Variants in ACTR3B observed in about 807,000 individuals in gnomAD.
ACTR3B encodes the protein actin related protein 3B.
A neutral mutation model predicts 59.0 loss-of-function variants in ACTR3B; 8 were observed. That is an observed-to-expected ratio of 0.14 (90% CI 0.08 to 0.24). The LOEUF is 0.24. Among genes scored for constraint, ACTR3B ranks in the 10% least tolerant of loss-of-function variants. The probability of loss-of-function intolerance (pLI) is 1.00; values close to 1 mark genes in which losing one functional copy is unlikely to be tolerated. For synonymous variants in ACTR3B, 148 were observed against 197.9 expected (o/e 0.75, Z 2.12); for missense variants, 245 against 552.3 (o/e 0.44, Z 5.58).
In ACTR3B at chr7:152,759,795, G is replaced by T. The variant is rs1392301399; in HGVS notation, c.-88G>T. 3.8e-6 allele frequency: 4 copies of T among 1,059,356 alleles called. No homozygotes were observed. The highest frequency in any genetic ancestry group is 3.5e-6 in the Non-Finnish European group (3 of 859,722). The allele number at this position is 1,059,356 out of a possible 1,614,324, so 65.6% of individuals were successfully genotyped here. ...GGCGCTGCGGCGGCTCGCGGGAGAC[G>T]CTGCGCGCGGGGCTAGCGGGCGGCG... On this transcript the variant is annotated 5_prime_UTR_variant, in exon 1 of 12. Coordinates refer to ENST00000256001, the MANE Select transcript of ACTR3B (RefSeq NM_020445.6).
chr7:152,834,968 G>A (rs189897576), intron 9 of ACTR3B, among the ~76,000 whole-genome samples: 13 of 152,274 alleles, frequency 8.5e-5, no homozygotes, highest in African/African-American at 3.1e-4. Context: ...GAAGACTGCT[G>A]ACCGCCAGAA....
chr7:152,836,424 A>G (rs1435524030), intron 9 of ACTR3B, among the ~76,000 whole-genome samples: 3 of 152,086 alleles, frequency 2.0e-5, no homozygotes, highest in Non-Finnish European at 2.9e-5. Context: ...GGGAGACCCC[A>G]TCTATCAAAA....
chr7:152,835,924 C>CTCAGTAAAT lies in ACTR3B; in HGVS notation c.951+10803_951+10811dup, dbSNP rs1428684620. 7.9e-5 allele frequency among the ~76,000 whole-genome samples: 12 copies of CTCAGTAAAT among 151,230 alleles called. No homozygotes were observed. The East Asian group carries it at 2.3e-3, about 30-fold the overall frequency. On this transcript the variant is annotated intron_variant, in intron 9 of 11. Coordinates refer to ENST00000256001, the MANE Select transcript of ACTR3B (RefSeq NM_020445.6). ...GAACACTCCTGGCCCATGCGAGGTGCTCAGTAAATGCTGCTGACCTGGTGA... is the reference window on the plus strand; with the variant it reads ...GAACACTCCTGGCCCATGCGAGGTGCTCAGTAAATTCAGTAAATGCTGCTGACCTGGTGA...
At chr7:152,815,308 A>G (rs1021702677) in intron 5 of ACTR3B, among the ~76,000 whole-genome samples, 4 of 152,250 alleles carry the variant, frequency 2.6e-5, no homozygotes, top group African/African-American at 9.6e-5. Context: ...GCTGATTCAC[A>G]GCGCCTATCA....
At chr7:152,825,880 G>C (rs1301811898) in intron 9 of ACTR3B, among the ~76,000 whole-genome samples, 1 of 151,820 alleles carries the variant, frequency 6.6e-6, no homozygotes, top group Admixed American at 6.6e-5. Flanking sequence ...AAAATTCTTA[G>C]ATTTCAGGGA....
At chr7:152,807,937 G>A (rs2098257583) in intron 4 of ACTR3B, among the ~76,000 whole-genome samples, 1 of 152,076 alleles carries the variant, frequency 6.6e-6, no homozygotes, top group Admixed American at 6.6e-5. Context: ...CAGCTTGGTG[G>A]CATTAGGCAC....
chr7:152,828,289 C>A (rs1297161112), intron 9 of ACTR3B, among the ~76,000 whole-genome samples: 1 of 151,814 alleles, frequency 6.6e-6, no homozygotes, highest in African/African-American at 2.4e-5. Flanking sequence ...TGCTCACAGC[C>A]CAGGGTAGAG....
chr7:152,838,619 C>T (rs1797646466), intron 9 of ACTR3B, among the ~76,000 whole-genome samples: 1 of 152,004 alleles, frequency 6.6e-6, no homozygotes, highest in South Asian at 2.1e-4. Flanking sequence ...CACCGTGGCA[C>T]GTGTATACCT....
At chr7:152,846,289 G>A (rs955342950) in intron 9 of ACTR3B, among the ~76,000 whole-genome samples, 1 of 147,984 alleles carries the variant, frequency 6.8e-6, no homozygotes, top group Admixed American at 6.8e-5. Flanking sequence ...GCAGTCTGTA[G>A]TGAGCTCTAG....
intron 9 of ACTR3B, among the ~76,000 whole-genome samples, chr7:152,851,471 G>A (rs989001128): frequency 6.6e-6 from 1 of 152,196 alleles, no homozygotes; most frequent in African/African-American, 2.4e-5. Context: ...AGGAGCTGAC[G>A]GTATGGATGA....
rs1164677748 is a variant in ACTR3B at position 152,812,019 on chromosome 7, C to CTTTTTTTTTTTTTTTTT, written c.337-2518_337-2502dup. Reference sequence around the variant, plus strand: ...TTCTTAATTCCCAGAAAATAAAAGTCTTTTTTTTTTTTTTTTTTTTTTTTT... The same window carrying CTTTTTTTTTTTTTTTTT: ...TTCTTAATTCCCAGAAAATAAAAGTCTTTTTTTTTTTTTTTTTTTTTTTTTTTTTTTTTTTTTTTTTT... On this transcript the variant is annotated intron_variant, in intron 4 of 11. Coordinates refer to ENST00000256001, the MANE Select transcript of ACTR3B (RefSeq NM_020445.6). 20 of 23,378 alleles carry CTTTTTTTTTTTTTTTTT rather than the reference C, an allele frequency of 8.6e-4. 6 individuals are homozygous for CTTTTTTTTTTTTTTTTT. Among genetic ancestry groups the CTTTTTTTTTTTTTTTTT allele is most frequent in the African/African-American group, 1.9e-3 (17 of 8,844 alleles). The allele number at this position is 23,378 out of a possible 1,614,324, so 1.4% of individuals were successfully genotyped here.
chr7:152,795,793 G>A (rs1462907126), intron 2 of ACTR3B, among the ~76,000 whole-genome samples: 1 of 150,820 alleles, frequency 6.6e-6, no homozygotes, highest in African/African-American at 2.4e-5. Context: ...GTGCAACTCT[G>A]TCTGAAGTGG....
chr7:152,809,627 C>T (rs530586858), intron 4 of ACTR3B, among the ~76,000 whole-genome samples: 5 of 151,774 alleles, frequency 3.3e-5, no homozygotes, highest in South Asian at 2.1e-4. Context: ...CCGCAACCTC[C>T]GCCTCCCGGG....
At chr7:152,822,505 C>T (rs1307511860) in intron 7 of ACTR3B, among the ~76,000 whole-genome samples, 6 of 152,220 alleles carry the variant, frequency 3.9e-5, no homozygotes, top group Non-Finnish European at 2.9e-5. Flanking sequence ...AGCGACTTCT[C>T]TCGCAGCAGC....
intron 1 of ACTR3B, among the ~76,000 whole-genome samples, chr7:152,774,430 C>T (rs1400469497): frequency 6.8e-6 from 1 of 148,122 alleles, no homozygotes; most frequent in East Asian, 1.9e-4. Flanking sequence ...GCCACTGCAC[C>T]TGGCCTACAT....
rs371185351 is a variant in ACTR3B at position 152,823,476 on chromosome 7, C to T, written c.819C>T (p.Tyr273=). The change falls in exon 8 of 12, where the codon TAC becomes TAT. Residue 273 remains tyrosine (Y), a synonymous_variant. Coordinates refer to ENST00000256001, the MANE Select transcript of ACTR3B (RefSeq NM_020445.6). ...AGAAGTTTGTTATAGACGTTGGTTA[C>T]GAAAGATTCCTGGGACCTGAAATAT... The part of the protein sequence containing the change: ...NQKKFVIDVG[Y]ERFLGPEIFF... The T allele has an allele frequency of 2.3e-5, 37 of 1,614,092 alleles. No individual in the cohort carries two copies. The highest frequency in any genetic ancestry group is 4.0e-5 in the African/African-American group (3 of 75,046).
chr7:152,831,799 A>C (rs1292732207), intron 9 of ACTR3B, among the ~76,000 whole-genome samples: 3 of 152,128 alleles, frequency 2.0e-5, no homozygotes, highest in Non-Finnish European at 4.4e-5. Context: ...GGGAGTGTGA[A>C]GCCTGGGATG....
chr7:152,785,632 G>A (rs908364772), intron 2 of ACTR3B, among the ~76,000 whole-genome samples: 2 of 131,962 alleles, frequency 1.5e-5, no homozygotes, highest in African/African-American at 5.7e-5. Flanking sequence ...TGGACAGTTG[G>A]CCTGCTGCGT....
chr7:152,852,992 C>T (rs1353738932), intron 10 of ACTR3B, among the ~76,000 whole-genome samples: 2 of 151,952 alleles, frequency 1.3e-5, no homozygotes, highest in Admixed American at 6.6e-5. Context: ...GGGGTTTCAC[C>T]GTGTTAGCCA....
Sources: allele counts gnomAD v4.1 joint callset (sites outside exome capture counted in the v4.1 genomes callset), GRCh38; gene constraint gnomAD v4.1.1; transcripts MANE v1.5; gene names NCBI Gene and HGNC (gene_info 2026-07-23, HGNC 2026-07-21).